Variants in LMX1A observed in about 807,000 individuals in gnomAD.
LMX1A encodes the protein LIM homeobox transcription factor 1-alpha.
LMX1A carries 15 observed loss-of-function variants against 49.1 expected under a neutral mutation model. The observed-to-expected ratio is 0.31, with a 90% CI of 0.20 to 0.47. The LOEUF is 0.47. LMX1A is among the 20% of genes least tolerant of loss of function. The probability of loss-of-function intolerance (pLI) is 1.00; values close to 1 mark genes in which losing one functional copy is unlikely to be tolerated. For synonymous variants in LMX1A, 167 were observed against 185.7 expected, an observed-to-expected ratio of 0.90 and a Z score of 0.82; for missense variants, 372 against 475.8, an observed-to-expected ratio of 0.78 and a Z score of 2.03.
At chr1:165,210,824 A>G in intron 5 of LMX1A, 48 bp from the exon 6 acceptor site, 2 of 1,434,920 alleles carry the variant, frequency 1.4e-6, no homozygotes, top group Non-Finnish European at 2.0e-6. Context: ...ATCTCAGGGT[A>G]GGAGGTAGAA....
chr1:165,271,742 C>T (rs73013419), intron 3 of LMX1A, among the ~76,000 whole-genome samples: 1,775 of 152,128 alleles, frequency 0.012, 41 homozygotes, highest in African/African-American at 0.04. Context: ...AAATACCTGG[C>T]AGGAGGAGGA....
chr1:165,318,500 A>G (rs928269044), intron 3 of LMX1A, among the ~76,000 whole-genome samples: 2 of 152,116 alleles, frequency 1.3e-5, no homozygotes, highest in Non-Finnish European at 2.9e-5. Context: ...ACTCCAAGCC[A>G]TTTGCTCGTA....
intron 3 of LMX1A, among the ~76,000 whole-genome samples, chr1:165,334,216 G>A (rs988081763): frequency 6.6e-6 from 1 of 152,108 alleles, no homozygotes; most frequent in Non-Finnish European, 1.5e-5. Flanking sequence ...GAACAAAGCA[G>A]TGAATAGATT....
At chr1:165,208,278 C>T in intron 6 of LMX1A, 146 bp from the exon 7 acceptor site, 1 of 653,642 alleles carries the variant, frequency 1.5e-6, no homozygotes, top group Non-Finnish European at 2.7e-6. Context: ...GCAACAGTGG[C>T]CAGCCCCATA....
intron 3 of LMX1A, among the ~76,000 whole-genome samples, chr1:165,263,424 ACAT>A (rs566351788): frequency 4.9e-4 from 74 of 152,196 alleles, no homozygotes; most frequent in Non-Finnish European, 9.4e-4. Context: ...CTCAAGACAA[ACAT>A]CATGGACTCA....
intron 3 of LMX1A, among the ~76,000 whole-genome samples, chr1:165,288,251 G>A (rs1439007382): frequency 6.6e-6 from 1 of 152,138 alleles, no homozygotes; most frequent in Non-Finnish European, 1.5e-5. Context: ...ACAGGTAGGT[G>A]GCCCCCAGAG....
intron 4 of LMX1A, among the ~76,000 whole-genome samples, chr1:165,225,385 G>T (rs1042257553): frequency 6.6e-6 from 1 of 152,152 alleles, no homozygotes; most frequent in Non-Finnish European, 1.5e-5. Flanking sequence ...ACAATCATTC[G>T]GAAATTATTT....
At chr1:165,206,545 G>A (rs1001229066) in intron 7 of LMX1A, among the ~76,000 whole-genome samples, 66 of 152,312 alleles carry the variant, frequency 4.3e-4, no homozygotes, top group African/African-American at 1.6e-3. Flanking sequence ...ACCAGCCTCT[G>A]CTTTCTTAAG....
chr1:165,351,166 G>C (rs539112486), intron 3 of LMX1A, among the ~76,000 whole-genome samples: 2 of 134,964 alleles, frequency 1.5e-5, no homozygotes, highest in Non-Finnish European at 3.3e-5. Context: ...TTTGATTCGT[G>C]ATTTTTTTTT....
At chr1:165,274,715 C>T (rs1040422255) in intron 3 of LMX1A, among the ~76,000 whole-genome samples, 16 of 152,186 alleles carry the variant, frequency 1.1e-4, no homozygotes, top group African/African-American at 3.9e-4. Flanking sequence ...AACTTTATGG[C>T]ATCGTTGCCA....
At chr1:165,335,163 C>T (rs1655861635) in intron 3 of LMX1A, among the ~76,000 whole-genome samples, 1 of 152,134 alleles carries the variant, frequency 6.6e-6, no homozygotes, top group African/African-American at 2.4e-5. Context: ...TAAAATATGA[C>T]CTTCCTCTCT....
intron 3 of LMX1A, among the ~76,000 whole-genome samples, chr1:165,313,347 G>GCCCATCTC (rs901431696): frequency 1.7e-4 from 26 of 152,150 alleles, no homozygotes; most frequent in Non-Finnish European, 3.1e-4. Flanking sequence ...AACCCTAGAT[G>GCCCATCTC]CCCATCTCCT....
chr1:165,219,179 T>C (rs1191878159), intron 4 of LMX1A: 1 of 152,124 alleles, frequency 6.6e-6, no homozygotes, highest in African/African-American at 2.4e-5. Flanking sequence ...GACCCAGCCA[T>C]GGTTTATGGC....
chr1:165,258,724 G>T (rs991082915), intron 3 of LMX1A, among the ~76,000 whole-genome samples: 2 of 152,168 alleles, frequency 1.3e-5, no homozygotes, highest in African/African-American at 4.8e-5. Flanking sequence ...AATGTTGCTG[G>T]CGATGGGTGG....
chr1:165,241,052 T>C (rs1412952877), intron 4 of LMX1A, among the ~76,000 whole-genome samples: 2 of 152,168 alleles, frequency 1.3e-5, no homozygotes, highest in Non-Finnish European at 2.9e-5. Context: ...TTCAAGACTG[T>C]TTTTCCCCCA....
intron 3 of LMX1A, among the ~76,000 whole-genome samples, chr1:165,298,715 A>T (rs551628552): frequency 2.7e-4 from 41 of 152,384 alleles, no homozygotes; most frequent in African/African-American, 9.4e-4. Flanking sequence ...TCCAAGGCCT[A>T]CAGAAAGGAC....
At chr1:165,238,937 C>T (rs186396607) in intron 4 of LMX1A, among the ~76,000 whole-genome samples, 7 of 152,234 alleles carry the variant, frequency 4.6e-5, no homozygotes, top group East Asian at 3.9e-4. Flanking sequence ...CTCTGTAGAA[C>T]GGAAATAATA....
intron 3 of LMX1A, among the ~76,000 whole-genome samples, chr1:165,336,063 A>G (rs1450287524): frequency 6.6e-6 from 1 of 152,216 alleles, no homozygotes; most frequent in African/African-American, 2.4e-5. Flanking sequence ...TCTTTACTAA[A>G]TGCTTTATAA....
intron 3 of LMX1A, among the ~76,000 whole-genome samples, chr1:165,279,394 T>C (rs1654073246): frequency 6.6e-6 from 1 of 152,280 alleles, no homozygotes; most frequent in Non-Finnish European, 1.5e-5. Context: ...ACAATAACGC[T>C]CAGAGTTAGG....
Sources: allele counts gnomAD v4.1 joint callset (sites outside exome capture counted in the v4.1 genomes callset), GRCh38; gene constraint gnomAD v4.1.1; transcripts MANE v1.5; gene names NCBI Gene and HGNC (gene_info 2026-07-23, HGNC 2026-07-21).